GALNTL6: variants seen among roughly 807,000 people sequenced by gnomAD.
The protein encoded by GALNTL6 is polypeptide N-acetylgalactosaminyltransferase like 6, also known as polypeptide N-acetylgalactosaminyltransferase-like 6.
Under a neutral mutation model 73.7 loss-of-function variants are expected in GALNTL6, and 46 were observed. The observed-to-expected ratio is 0.62, with a 90% CI of 0.49 to 0.80. GALNTL6 has a LOEUF of 0.80. GALNTL6 is among the 30% of genes least tolerant of loss of function. GALNTL6 has a pLI of 0.00. For missense variants in GALNTL6, 604 were observed against 755.0 expected (o/e 0.80, Z 2.34); for synonymous variants, 259 against 263.7 (o/e 0.98, Z 0.17).
At chr4:172,702,888 C>T (rs766592343) in intron 5 of GALNTL6, among the ~76,000 whole-genome samples, 24 of 151,764 alleles carry the variant, frequency 1.6e-4, no homozygotes, top group Non-Finnish European at 2.8e-4. Flanking sequence ...GTTTATTACT[C>T]GTATAAAGAC....
At chr4:171,923,834 T>C (rs112803590) in intron 2 of GALNTL6, among the ~76,000 whole-genome samples, 5,062 of 99,568 alleles carry the variant, frequency 0.051, 270 homozygotes, top group African/African-American at 0.17. Flanking sequence ...GTGTTTGAAG[T>C]TCTTCTTGCT....
intron 5 of GALNTL6, among the ~76,000 whole-genome samples, chr4:172,744,451 G>A (rs1471069400): frequency 1.3e-5 from 2 of 152,086 alleles, no homozygotes; most frequent in Non-Finnish European, 2.9e-5. Flanking sequence ...AAATCAAGGA[G>A]ATACATGTCT....
At chr4:172,839,005 A>G (rs7671554) in intron 7 of GALNTL6, among the ~76,000 whole-genome samples, 25,009 of 152,152 alleles carry the variant, frequency 0.16, 4,178 homozygotes, top group African/African-American at 0.42. Flanking sequence ...TACAGACTTT[A>G]AAAAGACCAA....
Position 171,813,745 on chromosome 4 carries a change from C to T in GALNTL6, c.-415C>T, listed in dbSNP as rs932783928. 4 of 152,360 alleles carry T rather than the reference C, an allele frequency of 2.6e-5. No homozygotes were observed. Among genetic ancestry groups the T allele is most frequent in the African/African-American group, 7.2e-5 (3 of 41,568 alleles). 9.4% of individuals were successfully genotyped at this position (152,360 alleles called of 1,614,324 possible). On this transcript the variant is annotated 5_prime_UTR_variant, in exon 1 of 13. Transcript: ENST00000506823. This position sits in a 1 kb window ranked among gnomAD's most constrained non-coding sequence, Gnocchi z 5.2. The stretch of plus-strand genomic sequence containing the variant: ...TCAGAGGATCGCATTCCGAGGACCG[C>T]GCGAGGAAGGGACGTCGCGGCGCCA...
chr4:171,991,483 A>T (rs965419413), intron 2 of GALNTL6, among the ~76,000 whole-genome samples: 18 of 152,068 alleles, frequency 1.2e-4, no homozygotes, highest in African/African-American at 4.3e-4. Flanking sequence ...AACCTAAAAA[A>T]CAGAAGAAGG....
intron 7 of GALNTL6, among the ~76,000 whole-genome samples, chr4:172,820,272 T>G (rs1741849687): frequency 6.6e-6 from 1 of 152,214 alleles, no homozygotes; most frequent in Non-Finnish European, 1.5e-5. Context: ...ACTTGATGCC[T>G]AGAATAAACT....
At chr4:172,640,493 A>G (rs1015129529) in intron 5 of GALNTL6, among the ~76,000 whole-genome samples, 1 of 152,102 alleles carries the variant, frequency 6.6e-6, no homozygotes, top group Non-Finnish European at 1.5e-5. Context: ...AAAAAGAGAA[A>G]TTTATTTCTC....
intron 5 of GALNTL6, among the ~76,000 whole-genome samples, chr4:172,776,206 A>T (rs1002810058): frequency 6.6e-6 from 1 of 152,228 alleles, no homozygotes. Context: ...TAAGATTTTT[A>T]AAAATATCAA....
chr4:171,833,050 G>T (rs1328224158), intron 2 of GALNTL6, among the ~76,000 whole-genome samples: 1 of 151,698 alleles, frequency 6.6e-6, no homozygotes, highest in Admixed American at 6.6e-5. Context: ...TGATTTTGAT[G>T]ATTCTACCCT....
rs540363509 is a variant in GALNTL6, at chr4:172,489,993, C to T, written c.553+141304C>T. 2.6e-3 allele frequency among the ~76,000 whole-genome samples: 402 copies of T among 152,200 alleles called. 3 individuals carry two copies. Among genetic ancestry groups the T allele is most frequent in the African/African-American group, 8.8e-3 (364 of 41,530 alleles). On this transcript the variant is annotated intron_variant, in intron 5 of 12. Transcript: ENST00000506823. ...CTGCTGTGGCTTCCAACATAGGCAA[C>T]TAGTAGAGACAGATGGAACTGTGTT...
At chr4:172,373,869 G>A (rs1014114518) in intron 5 of GALNTL6, among the ~76,000 whole-genome samples, 10 of 152,136 alleles carry the variant, frequency 6.6e-5, no homozygotes, top group South Asian at 2.1e-4. Context: ...GAGGACAGTC[G>A]ACCAGGACAG....
chr4:172,634,706 A>G (rs1463088267), intron 5 of GALNTL6, among the ~76,000 whole-genome samples: 1 of 152,242 alleles, frequency 6.6e-6, no homozygotes, highest in Non-Finnish European at 1.5e-5. Context: ...AAACTTTATT[A>G]CTACAACTTA....
At chr4:172,480,853 T>C (rs1263886467) in intron 5 of GALNTL6, among the ~76,000 whole-genome samples, 4 of 152,192 alleles carry the variant, frequency 2.6e-5, no homozygotes, top group African/African-American at 9.7e-5. Context: ...TTCCTCCATG[T>C]GATCTCATGT....
intron 2 of GALNTL6, among the ~76,000 whole-genome samples, chr4:172,078,729 G>T (rs905148004): frequency 2.0e-5 from 3 of 152,104 alleles, no homozygotes; most frequent in African/African-American, 7.2e-5. Flanking sequence ...TTGATTCATG[G>T]TCACTTTCTT....
chr4:172,081,702 G>C (rs1458912796), intron 2 of GALNTL6, among the ~76,000 whole-genome samples: 1 of 152,076 alleles, frequency 6.6e-6, no homozygotes, highest in East Asian at 1.9e-4. Context: ...AAAATGCTTG[G>C]AGCAGGAAGT....
At chr4:172,565,847 T>C (rs1347210679) in intron 5 of GALNTL6, among the ~76,000 whole-genome samples, 1 of 152,142 alleles carries the variant, frequency 6.6e-6, no homozygotes, top group Non-Finnish European at 1.5e-5. Flanking sequence ...TGTATGGTTC[T>C]AGGAATTTAT....
chr4:172,916,196 A>T (rs1392137712), intron 8 of GALNTL6, among the ~76,000 whole-genome samples: 1 of 151,886 alleles, frequency 6.6e-6, no homozygotes, highest in Non-Finnish European at 1.5e-5. Flanking sequence ...AAATTCAACA[A>T]CCCTTCATGC....
chr4:172,011,988 G>T (rs1478232649), intron 2 of GALNTL6, among the ~76,000 whole-genome samples: 1 of 151,914 alleles, frequency 6.6e-6, no homozygotes, highest in African/African-American at 2.4e-5. Flanking sequence ...TTTAAAAAGT[G>T]CAAGCCTGCT....
intron 2 of GALNTL6, among the ~76,000 whole-genome samples, chr4:172,131,307 G>A (rs1282177455): frequency 6.7e-6 from 1 of 150,152 alleles, no homozygotes; most frequent in East Asian, 1.9e-4. Flanking sequence ...CTGACTGAAA[G>A]AAAATATGAG....
Sources: allele counts gnomAD v4.1 joint callset (sites outside exome capture counted in the v4.1 genomes callset), GRCh38; gene constraint gnomAD v4.1.1; non-coding constraint Gnocchi (gnomAD v3.1); transcripts MANE v1.5; gene names NCBI Gene and HGNC (gene_info 2026-07-23, HGNC 2026-07-21).